Variants in FAM53B observed in about 807,000 individuals in gnomAD.
The protein encoded by FAM53B is protein FAM53B.
Under a neutral mutation model 32.7 loss-of-function variants are expected in FAM53B, and 12 were observed. That is an observed-to-expected ratio of 0.37 (90% CI 0.24 to 0.59). FAM53B has a LOEUF of 0.59. Ranked by LOEUF, FAM53B falls within the 20% of genes least tolerant of loss-of-function variation. The pLI, the probability that FAM53B is intolerant of heterozygous loss-of-function variation, is 0.72. For synonymous variants in FAM53B, 234 were observed against 228.7 expected, an observed-to-expected ratio of 1.02 and a Z score of -0.21; for missense variants, 477 against 577.7, an observed-to-expected ratio of 0.83 and a Z score of 1.79.
intron 4 of FAM53B, among the ~76,000 whole-genome samples, chr10:124,672,929 G>C (rs1336581808): frequency 1.3e-5 from 2 of 152,184 alleles, no homozygotes; most frequent in African/African-American, 4.8e-5. Flanking sequence ...AAGAAATACA[G>C]TCAAAGTGAG....
Position 124,682,250 on chromosome 10 carries a change from G to A in FAM53B, c.263C>T (p.Ala88Val), listed in dbSNP as rs1284167179. 6.2e-7 allele frequency: 1 copy of A among 1,614,040 alleles called. No homozygotes were observed. The highest frequency in any genetic ancestry group is 1.1e-5 in the South Asian group (1 of 91,056). ...LWHREAVTAC[A>V]VTSLIKDLSI... ...GAGGTCTTTGATCAGACTGGTCACAGCGCAGGCGGTCACTGCCTCCCGGTG... is the reference window on the plus strand; with the variant it reads ...GAGGTCTTTGATCAGACTGGTCACAACGCAGGCGGTCACTGCCTCCCGGTG... The change falls in exon 4 of 5, where the codon GCT becomes GTT. Residue 88 changes from alanine (A) to valine (V), a missense_variant. Around this residue, in one of 2 missense-constraint regions of FAM53B, gnomAD observed 312 missense variants for 420.2 expected, o/e 0.74. Coordinates refer to ENST00000337318, the MANE Select transcript of FAM53B (RefSeq NM_014661.4). This position sits in a 1 kb window ranked among gnomAD's most constrained non-coding sequence, Gnocchi z 5.2.
intron 4 of FAM53B, among the ~76,000 whole-genome samples, chr10:124,625,321 AG>A (rs1246458636): frequency 6.6e-6 from 1 of 152,212 alleles, no homozygotes; most frequent in African/African-American, 2.4e-5. Flanking sequence ...AGAAAGGTGA[AG>A]GCTGAGGTGT....
chr10:124,660,720 G>A (rs1949625930), intron 4 of FAM53B, among the ~76,000 whole-genome samples: 2 of 152,318 alleles, frequency 1.3e-5, no homozygotes, highest in African/African-American at 4.8e-5. Flanking sequence ...GGGAAATCGA[G>A]ACGTAAGGTC....
chr10:124,656,571 A>C (rs1156636865), intron 4 of FAM53B, among the ~76,000 whole-genome samples: 2 of 152,220 alleles, frequency 1.3e-5, no homozygotes, highest in Non-Finnish European at 2.9e-5. Context: ...GGCTGGAAAC[A>C]GTTGGTCAAA....
Position 124,744,183 on chromosome 10 carries a change from A to T in FAM53B, c.-345T>A, listed in dbSNP as rs1950218609. 6.8e-6 allele frequency: 1 copy of T among 146,780 alleles called. No individual in the cohort carries two copies. Among genetic ancestry groups the T allele is most frequent in the Non-Finnish European group, 1.5e-5 (1 of 66,030 alleles). The allele number at this position is 146,780 out of a possible 1,614,324, so 9.1% of individuals were successfully genotyped here. A position where few individuals can be genotyped will look rare whatever the true frequency, so the allele number is the denominator to read the frequency against. ...AGGAAATCGACTTGTCACTTCCTGA[A>T]GTGTTTGCAACTCGTCCCTTTAACC... On this transcript the variant is annotated 5_prime_UTR_variant, in exon 1 of 5. Transcript: ENST00000337318.
chr10:124,734,558 A>G (rs1173110442), intron 1 of FAM53B, among the ~76,000 whole-genome samples: 1 of 152,156 alleles, frequency 6.6e-6, no homozygotes, highest in Non-Finnish European at 1.5e-5. Context: ...TCATTGTCCT[A>G]GCAGGTCTGC....
intron 3 of FAM53B, among the ~76,000 whole-genome samples, chr10:124,690,184 A>G (rs1360144701): frequency 6.6e-6 from 1 of 152,256 alleles, no homozygotes; most frequent in African/African-American, 2.4e-5. Context: ...CAATAAATGC[A>G]TATTTACTGT....
chr10:124,706,643 C>G lies in FAM53B; in HGVS notation c.71G>C (p.Arg24Pro). The G allele has an allele frequency of 6.2e-7, 1 of 1,614,218 alleles. No individual in the cohort carries two copies. Among genetic ancestry groups the G allele is most frequent in the Non-Finnish European group, 8.5e-7 (1 of 1,180,030 alleles). The change falls in exon 2 of 5, where the codon CGT becomes CCT. Residue 24 changes from arginine (R) to proline (P), a missense_variant. Arg to Pro is a moderately radical substitution (Grantham distance 103). Transcript: ENST00000337318. ...ADSIACGTFSRELHTPKKMSQ... is the reference protein window; with the variant it reads ...ADSIACGTFSPELHTPKKMSQ... ...AGCCTGCCAGGTCCTCACCAGTTCA[C>G]GGCTGAAGGTCCCACATGCAATGGA...
At chr10:124,694,072 G>C (rs1459471469) in intron 3 of FAM53B, among the ~76,000 whole-genome samples, 1 of 152,240 alleles carries the variant, frequency 6.6e-6, no homozygotes, top group East Asian at 1.9e-4. Context: ...GAGAGCAGCA[G>C]AGGAGAACAA....
At chr10:124,735,938 G>A (rs1012793495) in intron 1 of FAM53B, among the ~76,000 whole-genome samples, 2 of 152,220 alleles carry the variant, frequency 1.3e-5, no homozygotes, top group African/African-American at 4.8e-5. Context: ...TTTTGCCCTC[G>A]ATGATACAGA....
chr10:124,664,644 G>A (rs969413660), intron 4 of FAM53B, among the ~76,000 whole-genome samples: 3 of 152,194 alleles, frequency 2.0e-5, no homozygotes, highest in African/African-American at 7.2e-5. Flanking sequence ...GGACCTGGCT[G>A]TGCCCAAGGC....
intron 4 of FAM53B, among the ~76,000 whole-genome samples, chr10:124,647,885 C>A (rs187819574): frequency 2.0e-5 from 3 of 152,318 alleles, no homozygotes; most frequent in Admixed American, 2.0e-4. Context: ...AAGCCCAGAA[C>A]AGCCCCGTGT....
intron 2 of FAM53B, among the ~76,000 whole-genome samples, chr10:124,705,947 T>C (rs1949954712): frequency 6.6e-6 from 1 of 152,084 alleles, no homozygotes; most frequent in South Asian, 2.1e-4. Context: ...GACTTGCCCA[T>C]CTCCACAAGA....
At chr10:124,692,580 T>C (rs867743302) in intron 3 of FAM53B, among the ~76,000 whole-genome samples, 2 of 151,812 alleles carry the variant, frequency 1.3e-5, no homozygotes, top group Non-Finnish European at 1.5e-5. Flanking sequence ...CCGGGCATGG[T>C]GGCAGACACC....
At chr10:124,737,885 C>G (rs1045209208) in intron 1 of FAM53B, among the ~76,000 whole-genome samples, 4 of 152,128 alleles carry the variant, frequency 2.6e-5, no homozygotes, top group Non-Finnish European at 5.9e-5. Context: ...CCAGAAAGAA[C>G]AAGACCACTA....
chr10:124,636,875 C>T (rs534275564), intron 4 of FAM53B, among the ~76,000 whole-genome samples: 136 of 151,884 alleles, frequency 9.0e-4, no homozygotes, highest in African/African-American at 3.1e-3. Context: ...TGTTTTCACA[C>T]CCACCAAGCA....
intron 1 of FAM53B, among the ~76,000 whole-genome samples, chr10:124,727,121 C>T (rs1270161418): frequency 2.0e-5 from 3 of 152,082 alleles, no homozygotes; most frequent in African/African-American, 4.8e-5. Context: ...CAGGCTCAAG[C>T]GATCCTCCCG....
chr10:124,636,831 G>A (rs1589732789), intron 4 of FAM53B, among the ~76,000 whole-genome samples: 2 of 151,980 alleles, frequency 1.3e-5, no homozygotes, highest in Non-Finnish European at 2.9e-5. Flanking sequence ...CAGTTCTGAT[G>A]TCTGTGACGC....
chr10:124,663,145 T>G (rs1949645316), intron 4 of FAM53B, among the ~76,000 whole-genome samples: 1 of 152,206 alleles, frequency 6.6e-6, no homozygotes, highest in Non-Finnish European at 1.5e-5. Flanking sequence ...CTGCTTCTCC[T>G]CCCAGAGCCT....
Sources: allele counts gnomAD v4.1 joint callset (sites outside exome capture counted in the v4.1 genomes callset), GRCh38; gene constraint gnomAD v4.1.1; regional missense constraint gnomAD v4.1.1; non-coding constraint Gnocchi (gnomAD v3.1); transcripts MANE v1.5; gene names NCBI Gene and HGNC (gene_info 2026-07-23, HGNC 2026-07-21).